PTPRD: variants seen among roughly 807,000 people sequenced by gnomAD.
PTPRD encodes protein tyrosine phosphatase receptor type D, also known as receptor-type tyrosine-protein phosphatase delta.
PTPRD carries 34 observed loss-of-function variants against 214.5 expected under a neutral mutation model. That is an observed-to-expected ratio of 0.16 (90% CI 0.12 to 0.21). The LOEUF (loss-of-function observed/expected upper bound fraction) is 0.21. PTPRD is among the 10% of genes least tolerant of loss of function. The probability of loss-of-function intolerance (pLI) is 1.00; values close to 1 mark genes in which losing one functional copy is unlikely to be tolerated. For synonymous variants in PTPRD, 1,128 were observed against 845.7 expected, an observed-to-expected ratio of 1.33 and a Z score of -5.79; for missense variants, 2,545 against 2,398.7, an observed-to-expected ratio of 1.06 and a Z score of -1.27.
intron 45 of PTPRD, among the ~76,000 whole-genome samples, chr9:8,319,025 G>T (rs1023012528): frequency 6.6e-6 from 1 of 152,064 alleles, no homozygotes; most frequent in Non-Finnish European, 1.5e-5. Flanking sequence ...TTGGCTGAGT[G>T]TTAAGGCTTT....
chr9:9,897,505 T>C (rs934997034), intron 5 of PTPRD, among the ~76,000 whole-genome samples: 1 of 152,072 alleles, frequency 6.6e-6, no homozygotes, highest in Non-Finnish European at 1.5e-5. Flanking sequence ...TTTCATCTAT[T>C]TTTTTCTTCA....
At chr9:9,358,322 G>T (rs984593627) in intron 9 of PTPRD, among the ~76,000 whole-genome samples, 4 of 150,996 alleles carry the variant, frequency 2.6e-5, no homozygotes, top group African/African-American at 9.7e-5. Flanking sequence ...GAAATTATTT[G>T]ATTTTAAGCA....
chr9:8,414,957 G>A (rs937025206), intron 35 of PTPRD, among the ~76,000 whole-genome samples: 1 of 148,932 alleles, frequency 6.7e-6, no homozygotes, highest in Admixed American at 6.7e-5. Flanking sequence ...GAGAGAGAGA[G>A]AGAGAGAGAG....
chr9:8,974,229 G>C (rs1005959254), intron 11 of PTPRD, among the ~76,000 whole-genome samples: 2 of 151,982 alleles, frequency 1.3e-5, no homozygotes, highest in Non-Finnish European at 2.9e-5. Flanking sequence ...TTTGTACGTA[G>C]TGAAAGGTAA....
intron 14 of PTPRD, among the ~76,000 whole-genome samples, chr9:8,622,953 TATAGCAAG>T (rs981973665): frequency 8.6e-5 from 13 of 151,178 alleles, no homozygotes; most frequent in African/African-American, 3.2e-4. Flanking sequence ...GCCTGGGCAA[TATAGCAAG>T]ACCTATTTTC....
At chr9:9,116,907 G>T (rs138551743) in intron 10 of PTPRD, among the ~76,000 whole-genome samples, 232 of 152,108 alleles carry the variant, frequency 1.5e-3, no homozygotes, top group Non-Finnish European at 2.1e-3. Context: ...CTCACTATTG[G>T]CTTTCCAATG....
chr9:8,683,703 G>A (rs1190129097), intron 12 of PTPRD, among the ~76,000 whole-genome samples: 1 of 152,214 alleles, frequency 6.6e-6, no homozygotes, highest in Non-Finnish European at 1.5e-5. Context: ...GCACAGGGTT[G>A]TGACAGCACT....
chr9:9,600,288 A>T (rs1022008355), intron 7 of PTPRD, among the ~76,000 whole-genome samples: 1 of 152,118 alleles, frequency 6.6e-6, no homozygotes, highest in Admixed American at 6.6e-5. Context: ...TAACAGGTTT[A>T]AGTAAAAAAT....
intron 12 of PTPRD, among the ~76,000 whole-genome samples, chr9:8,653,074 T>C (rs947237969): frequency 6.6e-6 from 1 of 152,174 alleles, no homozygotes; most frequent in African/African-American, 2.4e-5. Context: ...TTTTACTGTC[T>C]GAAGTTTTTT....
chr9:10,296,643 G>A (rs1214364018), intron 3 of PTPRD, among the ~76,000 whole-genome samples: 1 of 151,970 alleles, frequency 6.6e-6, no homozygotes, highest in African/African-American at 2.4e-5. Context: ...GCAGTGAGCT[G>A]CAAGACCTAG....
chr9:9,280,222 G>A (rs924825964), intron 9 of PTPRD, among the ~76,000 whole-genome samples: 1 of 151,184 alleles, frequency 6.6e-6, no homozygotes, highest in African/African-American at 2.4e-5. Context: ...AATCCATATT[G>A]TGAAGGCATG....
intron 3 of PTPRD, among the ~76,000 whole-genome samples, chr9:10,207,774 G>A (rs2154338957): frequency 1.3e-5 from 2 of 151,444 alleles, no homozygotes; most frequent in South Asian, 2.1e-4. Context: ...GTGTAAAAGT[G>A]AGTATAAATG....
intron 2 of PTPRD, among the ~76,000 whole-genome samples, chr9:10,555,730 G>C (rs1484199879): frequency 1.3e-5 from 2 of 151,870 alleles, no homozygotes; most frequent in African/African-American, 4.8e-5. Flanking sequence ...TTGAAAAGAA[G>C]TTTTACAAAC....
intron 10 of PTPRD, among the ~76,000 whole-genome samples, chr9:9,118,663 G>A (rs1171688961): frequency 2.0e-5 from 3 of 152,050 alleles, no homozygotes; most frequent in African/African-American, 7.2e-5. Context: ...GAGACGACAG[G>A]GTTTTGCTGG....
chr9:8,327,980 G>A (rs1039668368), intron 44 of PTPRD, among the ~76,000 whole-genome samples: 18 of 148,144 alleles, frequency 1.2e-4, no homozygotes, highest in African/African-American at 4.2e-4. Context: ...CAATTGGCCA[G>A]TGTGTGTCTT....
intron 11 of PTPRD, among the ~76,000 whole-genome samples, chr9:8,937,020 T>C (rs2099002331): frequency 6.6e-6 from 1 of 152,204 alleles, no homozygotes. Flanking sequence ...TTTGGATAGA[T>C]GTTACAGACA....
intron 8 of PTPRD, among the ~76,000 whole-genome samples, chr9:9,447,559 C>T (rs556276110): frequency 3.3e-5 from 5 of 152,098 alleles, no homozygotes; most frequent in African/African-American, 1.2e-4. Context: ...GGAAAAATAA[C>T]TAATGGGTAC....
intron 44 of PTPRD, among the ~76,000 whole-genome samples, chr9:8,330,708 G>A (rs1457739781): frequency 6.6e-6 from 1 of 152,096 alleles, no homozygotes; most frequent in African/African-American, 2.4e-5. Flanking sequence ...CCAAATAATA[G>A]AATTGAGATT....
intron 3 of PTPRD, among the ~76,000 whole-genome samples, chr9:10,164,229 C>A (rs940575063): frequency 7.9e-5 from 12 of 151,494 alleles, no homozygotes; most frequent in Non-Finnish European, 1.8e-4. Flanking sequence ...TTCCACAAAA[C>A]CTACAAATCT....
Sources: allele counts gnomAD v4.1 joint callset (sites outside exome capture counted in the v4.1 genomes callset), GRCh38; gene constraint gnomAD v4.1.1; transcripts MANE v1.5; gene names NCBI Gene and HGNC (gene_info 2026-07-23, HGNC 2026-07-21).